Variants in DMD observed in about 807,000 individuals in gnomAD.
DMD encodes the protein dystrophin.
A neutral mutation model predicts 330.1 loss-of-function variants in DMD; 63 were observed. That is an observed-to-expected ratio of 0.19 (90% confidence interval 0.16 to 0.24). DMD has a LOEUF of 0.24. Among genes scored for constraint, DMD ranks in the 10% least tolerant of loss-of-function variants. The probability of loss-of-function intolerance (pLI) is 1.00; values close to 1 mark genes in which losing one functional copy is unlikely to be tolerated. For synonymous variants in DMD, 1,223 were observed against 959.8 expected (o/e 1.27, Z -5.07); for missense variants, 3,344 against 2,684.1 (o/e 1.25, Z -5.43).
intron 44 of DMD, among the ~76,000 whole-genome samples, chrX:31,999,089 T>C (rs1050047467): frequency 1.8e-5 from 2 of 112,041 alleles, no homozygotes; most frequent in African/African-American, 6.5e-5. Context: ...TTTGGAGAAG[T>C]GCAAGCAAAG....
At chrX:32,612,649 A>G (rs2057264719) in intron 12 of DMD, among the ~76,000 whole-genome samples, 1 of 111,373 alleles carries the variant, frequency 9.0e-6, no homozygotes, top group South Asian at 3.7e-4. Context: ...CAAATGTGCC[A>G]CATCGGAAAA....
At chrX:32,593,711 G>A (rs2055197454) in intron 13 of DMD, among the ~76,000 whole-genome samples, 1 of 112,173 alleles carries the variant, frequency 8.9e-6, no homozygotes, top group African/African-American at 3.2e-5. Context: ...ATTCAAATGG[G>A]ATGTGGAATG....
chrX:32,283,643 G>A (rs73462003), intron 43 of DMD, among the ~76,000 whole-genome samples: 1 of 111,876 alleles, frequency 8.9e-6, no homozygotes, highest in Non-Finnish European at 1.9e-5. Flanking sequence ...TAGTTCTGTG[G>A]CCTAAACCTG....
intron 7 of DMD, among the ~76,000 whole-genome samples, chrX:32,784,273 C>G (rs746439644): frequency 6.3e-5 from 7 of 111,677 alleles, no homozygotes; most frequent in Admixed American, 1.9e-4. Context: ...GCCAATTTCT[C>G]TTGTAAATGT....
chrX:32,381,664 G>A lies in DMD; in HGVS notation c.4675-984C>T, dbSNP rs183018312. On this transcript the variant is annotated intron_variant, in intron 33 of 78. Transcript: ENST00000357033. ...AAATATGCTTTATGTATTGAATAAA[G>A]GAATGAATGAAGACTTGCAAATCGT... Among the ~76,000 whole-genome samples the A allele has an allele frequency of 4.8e-4, 54 of 111,536 alleles. No homozygotes were observed. In the Admixed American group the frequency reaches 4.9e-3, roughly 10 times the overall value.
intron 7 of DMD, among the ~76,000 whole-genome samples, chrX:32,716,782 G>T (rs1013142897): frequency 1.8e-5 from 2 of 111,060 alleles, no homozygotes; most frequent in Non-Finnish European, 3.8e-5. Context: ...ATGAAGATGA[G>T]GAACTTATTG....
intron 2 of DMD, among the ~76,000 whole-genome samples, chrX:32,902,915 G>A (rs1455522553): frequency 9.1e-6 from 1 of 109,373 alleles, no homozygotes; most frequent in Non-Finnish European, 1.9e-5. Flanking sequence ...CCAGCACTTT[G>A]GGAGGCCAAG....
At chrX:31,932,575 G>A (rs1483053561) in intron 45 of DMD, among the ~76,000 whole-genome samples, 2 of 110,753 alleles carry the variant, frequency 1.8e-5, no homozygotes, top group African/African-American at 3.3e-5. Flanking sequence ...GTGAAACCCC[G>A]TCTACACTAA....
chrX:33,285,473 C>T (rs962340955), intron 1 of DMD, among the ~76,000 whole-genome samples: 1 of 111,860 alleles, frequency 8.9e-6, no homozygotes, highest in Admixed American at 9.5e-5. Flanking sequence ...GATTTTGAAA[C>T]TTGGAGGATC....
intron 2 of DMD, among the ~76,000 whole-genome samples, chrX:32,892,365 C>G (rs930544365): frequency 9.0e-6 from 1 of 110,672 alleles, no homozygotes; most frequent in African/African-American, 3.3e-5. Flanking sequence ...ATGCCCCCCA[C>G]GCCATGTTGT....
intron 44 of DMD, among the ~76,000 whole-genome samples, chrX:32,158,225 T>C (rs1051363504): frequency 5.9e-4 from 66 of 111,034 alleles, no homozygotes; most frequent in African/African-American, 2.1e-3. Context: ...ATTAAAGCAC[T>C]GCTCCTCAAA....
intron 1 of DMD, among the ~76,000 whole-genome samples, chrX:33,078,058 T>C (rs1184301838): frequency 6.3e-5 from 7 of 111,941 alleles, no homozygotes; most frequent in African/African-American, 2.3e-4. Context: ...TAAGACTTTT[T>C]GAAAGCCGAG....
intron 44 of DMD, among the ~76,000 whole-genome samples, chrX:31,992,002 A>G (rs1017668993): frequency 2.7e-5 from 3 of 111,938 alleles, no homozygotes; most frequent in African/African-American, 9.7e-5. Context: ...TGCATGATAC[A>G]AGGTGATAAA....
chrX:31,827,424 A>T (rs2092917074), intron 49 of DMD, among the ~76,000 whole-genome samples: 1 of 112,242 alleles, frequency 8.9e-6, no homozygotes, highest in African/African-American at 3.2e-5. Context: ...TAGCTTTATA[A>T]AACAATAGTA....
At chrX:32,171,489 G>A (rs1450604272) in intron 44 of DMD, among the ~76,000 whole-genome samples, 3 of 110,732 alleles carry the variant, frequency 2.7e-5, no homozygotes, top group African/African-American at 9.8e-5. Flanking sequence ...AATTGACTTT[G>A]TCCTTACCGA....
At chrX:33,261,761 G>A (rs2052960339) in intron 1 of DMD, among the ~76,000 whole-genome samples, 2 of 110,227 alleles carry the variant, frequency 1.8e-5, no homozygotes, top group African/African-American at 6.6e-5. Context: ...CACTCCACGT[G>A]GTAGTAGACT....
At chrX:32,947,873 T>A (rs1265192521) in intron 2 of DMD, among the ~76,000 whole-genome samples, 3 of 111,315 alleles carry the variant, frequency 2.7e-5, no homozygotes. Context: ...TCCAGGAAGA[T>A]GTTTTAGGAG....
intron 2 of DMD, among the ~76,000 whole-genome samples, chrX:32,933,614 C>G (rs1030230934): frequency 1.8e-5 from 2 of 111,645 alleles, no homozygotes; most frequent in Non-Finnish European, 3.8e-5. Context: ...ACAAATGGAT[C>G]TATCCAGAAA....
chrX:32,596,827 G>A (rs1448603001), intron 12 of DMD, among the ~76,000 whole-genome samples: 3 of 111,052 alleles, frequency 2.7e-5, no homozygotes, highest in Non-Finnish European at 5.7e-5. Flanking sequence ...GATTACAAAC[G>A]TGAGCCACTG....
Sources: gnomAD v4.1 joint callset for allele counts (sites outside exome capture counted in the v4.1 genomes callset) on GRCh38, gnomAD v4.1.1 for gene constraint, MANE v1.5 for transcripts, NCBI Gene and HGNC (gene_info 2026-07-23, HGNC 2026-07-21) for gene names.